Variants in CSMD1 observed in about 807,000 individuals in gnomAD.
The protein encoded by CSMD1 is CUB and sushi domain-containing protein 1.
In CSMD1, 213 loss-of-function variants were observed where a neutral mutation model predicts 417.5. That is an observed-to-expected ratio of 0.51 (90% CI 0.46 to 0.57). The LOEUF is 0.57. CSMD1 is among the 20% of genes least tolerant of loss of function. The pLI, the probability that CSMD1 is intolerant of heterozygous loss-of-function variation, is 0.00. For synonymous variants in CSMD1, 2,862 were observed against 1,736.8 expected (o/e 1.65, Z -16.11); for missense variants, 6,923 against 4,529.7 (o/e 1.53, Z -15.17).
chr8:3,983,252 TC>T (rs1814035652), intron 5 of CSMD1, among the ~76,000 whole-genome samples: 2 of 151,558 alleles, frequency 1.3e-5, no homozygotes, highest in South Asian at 4.2e-4. Context: ...TGCCTCAGCC[TC>T]CCGAGTAGCT....
chr8:3,145,001 A>T (rs969898155), intron 40 of CSMD1, among the ~76,000 whole-genome samples: 16 of 151,968 alleles, frequency 1.1e-4, no homozygotes, highest in Admixed American at 9.8e-4. Flanking sequence ...CAAATCTAAT[A>T]AGAATGAATC....
At chr8:3,265,444 G>A (rs1034075794) in intron 26 of CSMD1, among the ~76,000 whole-genome samples, 1 of 152,152 alleles carries the variant, frequency 6.6e-6, no homozygotes. Flanking sequence ...TTACTCTCAG[G>A]GATCAGAGAC....
intron 12 of CSMD1, among the ~76,000 whole-genome samples, chr8:3,457,165 T>C (rs970351060): frequency 7.9e-6 from 1 of 126,652 alleles, no homozygotes; most frequent in South Asian, 2.5e-4. Context: ...ATCCTGTACC[T>C]CTCTTCCTGG....
chr8:4,799,649 C>A (rs1289737583), intron 1 of CSMD1, among the ~76,000 whole-genome samples: 1 of 132,346 alleles, frequency 7.6e-6, no homozygotes, highest in African/African-American at 2.9e-5. Context: ...GGCACTCACA[C>A]AAGTATCTGA....
At chr8:3,804,433 C>T (rs1426809042) in intron 5 of CSMD1, among the ~76,000 whole-genome samples, 1 of 151,994 alleles carries the variant, frequency 6.6e-6, no homozygotes, top group Non-Finnish European at 1.5e-5. Flanking sequence ...ATGAAAAATA[C>T]TATTTTTCTA....
Position 3,929,245 on chromosome 8 carries a change from C to T in CSMD1, c.818+68658G>A, listed in dbSNP as rs553312227. On this transcript the variant is annotated intron_variant, in intron 5 of 69. Coordinates refer to ENST00000635120, the MANE Select transcript of CSMD1 (RefSeq NM_033225.6). ...CATAAAGGAGGTGTTTGTCCATATA[C>T]ACATATGGACAGGATGATTTTCCCC... Among the ~76,000 whole-genome samples the T allele has an allele frequency of 4.3e-4, 64 of 150,542 alleles. 3 individuals carry two copies. The highest frequency in any genetic ancestry group is 1.5e-3 in the African/African-American group (63 of 40,842).
intron 3 of CSMD1, among the ~76,000 whole-genome samples, chr8:4,120,428 T>A (rs1268893389): frequency 6.6e-6 from 1 of 152,246 alleles, no homozygotes; most frequent in Non-Finnish European, 1.5e-5. Context: ...GAGTTTTCTC[T>A]CCTTCCTCCT....
At chr8:4,130,112 A>T (rs1026215041) in intron 3 of CSMD1, among the ~76,000 whole-genome samples, 1 of 152,216 alleles carries the variant, frequency 6.6e-6, no homozygotes, top group South Asian at 2.1e-4. Context: ...CTCCATCACC[A>T]TGGAGTCACT....
chr8:3,311,661 C>T (rs2161748), intron 23 of CSMD1, among the ~76,000 whole-genome samples: 1 of 152,164 alleles, frequency 6.6e-6, no homozygotes, highest in African/African-American at 2.4e-5. Flanking sequence ...AGTATACTTT[C>T]TACTGAACGT....
chr8:4,185,733 C>G (rs573271095), intron 3 of CSMD1, among the ~76,000 whole-genome samples: 2 of 152,246 alleles, frequency 1.3e-5, no homozygotes, highest in South Asian at 4.1e-4. Flanking sequence ...TAGACTCATG[C>G]CTTTGAAGAG....
At chr8:4,772,161 G>C (rs1156465506) in intron 1 of CSMD1, among the ~76,000 whole-genome samples, 3 of 152,014 alleles carry the variant, frequency 2.0e-5, no homozygotes, top group Non-Finnish European at 4.4e-5. Flanking sequence ...TGGTGGTAGG[G>C]ATGAAGTCCT....
intron 5 of CSMD1, among the ~76,000 whole-genome samples, chr8:3,962,963 C>G (rs1374556999): frequency 1.3e-5 from 2 of 152,098 alleles, no homozygotes; most frequent in African/African-American, 2.4e-5. Context: ...TTTAGATGGA[C>G]TCTTGCTCCG....
At chr8:3,477,155 A>G (rs1817480524) in intron 11 of CSMD1, among the ~76,000 whole-genome samples, 1 of 152,204 alleles carries the variant, frequency 6.6e-6, no homozygotes, top group Non-Finnish European at 1.5e-5. Context: ...AAAATTCTGC[A>G]TGTGTCACGA....
chr8:4,845,915 C>T (rs1007980743), intron 1 of CSMD1, among the ~76,000 whole-genome samples: 5 of 151,886 alleles, frequency 3.3e-5, no homozygotes, highest in African/African-American at 4.9e-5. Flanking sequence ...CAAGGTTACG[C>T]TAGCCTATGA....
intron 3 of CSMD1, among the ~76,000 whole-genome samples, chr8:4,291,087 G>C (rs1797333280): frequency 6.6e-6 from 1 of 152,006 alleles, no homozygotes; most frequent in South Asian, 2.1e-4. Context: ...GTTTTATTTT[G>C]TGTAATACAA....
At chr8:3,902,216 G>A (rs561143122) in intron 5 of CSMD1, among the ~76,000 whole-genome samples, 5 of 152,110 alleles carry the variant, frequency 3.3e-5, no homozygotes, top group Non-Finnish European at 7.4e-5. Context: ...CATTTTCTAT[G>A]ATTTTCAGCC....
Position 3,352,116 on chromosome 8 carries a change from C to T in CSMD1, c.3305-3955G>A, listed in dbSNP as rs142367310. ...TCATGAGTCCACTTGACACCGCAGCCGTGTTGGCATCTCCAAAGGCCTACT... is the reference window on the plus strand; with the variant it reads ...TCATGAGTCCACTTGACACCGCAGCTGTGTTGGCATCTCCAAAGGCCTACT... On this transcript the variant is annotated intron_variant, in intron 21 of 69. Coordinates refer to ENST00000635120, the MANE Select transcript of CSMD1 (RefSeq NM_033225.6). Among the ~76,000 whole-genome samples the T allele has an allele frequency of 6.0e-3, 913 of 152,212 alleles. 10 individuals are homozygous for T. The highest frequency in any genetic ancestry group is 9.1e-3 in the Non-Finnish European group (616 of 68,016).
chr8:2,937,450 A>AAC lies in CSMD1; in HGVS notation c.*1134_*1135insGT, dbSNP rs770934908. 4 of 85,674 alleles carry AAC rather than the reference A, an allele frequency of 4.7e-5. No individual in the cohort carries two copies. Among genetic ancestry groups the AAC allele is most frequent in the South Asian group, 4.0e-4 (1 of 2,524 alleles). The allele number at this position is 85,674 out of a possible 1,614,324, so 5.3% of individuals were successfully genotyped here. On this transcript the variant is annotated 3_prime_UTR_variant, in exon 70 of 70. Transcript: ENST00000635120. ...CACAGTAAAAGACAAAAAAAAAAAAAAACAAAAAAAAAACACTGCAAAAGG... is the reference window on the plus strand; with the variant it reads ...CACAGTAAAAGACAAAAAAAAAAAAAACAACAAAAAAAAAACACTGCAAAAGG...
intron 28 of CSMD1, among the ~76,000 whole-genome samples, chr8:3,220,699 C>T (rs956870226): frequency 5.3e-5 from 8 of 152,054 alleles, no homozygotes; most frequent in African/African-American, 1.4e-4. Context: ...AGCATGGTGT[C>T]GTGCACCTGT....
Sources: allele counts gnomAD v4.1 joint callset (sites outside exome capture counted in the v4.1 genomes callset), GRCh38; gene constraint gnomAD v4.1.1; transcripts MANE v1.5; gene names NCBI Gene and HGNC (gene_info 2026-07-23, HGNC 2026-07-21).